Variants in PARVA observed in about 807,000 individuals in gnomAD.
The protein encoded by PARVA is alpha-parvin.
In PARVA, 25 loss-of-function variants were observed where a neutral mutation model predicts 52.6. The ratio of observed to expected loss-of-function variants is 0.48; its 90% CI spans 0.35 to 0.66. PARVA has a LOEUF of 0.66. Among genes scored for constraint, PARVA ranks in the 30% least tolerant of loss-of-function variants. The pLI is 0.01. For synonymous variants in PARVA, 185 were observed against 179.1 expected, an observed-to-expected ratio of 1.03 and a Z score of -0.26; for missense variants, 373 against 450.9, an observed-to-expected ratio of 0.83 and a Z score of 1.56.
chr11:12,521,296 C>A (rs942084727), intron 12 of PARVA, among the ~76,000 whole-genome samples: 1 of 152,172 alleles, frequency 6.6e-6, no homozygotes, highest in African/African-American at 2.4e-5. Context: ...GGAAAATGTT[C>A]AACTCCCCCA....
intron 5 of PARVA, among the ~76,000 whole-genome samples, chr11:12,498,344 G>A (rs927065309): frequency 2.0e-5 from 3 of 151,948 alleles, no homozygotes; most frequent in African/African-American, 7.3e-5. Context: ...CCTAGAACAG[G>A]GTCTTTTAAA....
intron 1 of PARVA, among the ~76,000 whole-genome samples, chr11:12,424,590 C>T (rs1940199907): frequency 6.6e-6 from 1 of 152,184 alleles, no homozygotes; most frequent in Admixed American, 6.5e-5. Flanking sequence ...GCTACCAATA[C>T]TAGTTGTCCA....
intron 1 of PARVA, among the ~76,000 whole-genome samples, chr11:12,471,406 A>G (rs1209850468): frequency 1.3e-5 from 2 of 152,196 alleles, no homozygotes; most frequent in Admixed American, 1.3e-4. Flanking sequence ...TCAGGGGTAC[A>G]TGTTTGTTAC....
At chr11:12,495,141 T>G (rs536341765) in intron 4 of PARVA, among the ~76,000 whole-genome samples, 2 of 152,298 alleles carry the variant, frequency 1.3e-5, no homozygotes, top group South Asian at 4.1e-4. Flanking sequence ...AAGAAGACAT[T>G]TAGATTTATT....
chr11:12,456,834 CT>C (rs2135019308), intron 1 of PARVA, among the ~76,000 whole-genome samples: 1 of 152,242 alleles, frequency 6.6e-6, no homozygotes, highest in Non-Finnish European at 1.5e-5. Context: ...GGGGCTGGTT[CT>C]TACTCATCCC....
At chr11:12,449,780 A>T (rs1940599179) in intron 1 of PARVA, among the ~76,000 whole-genome samples, 1 of 152,204 alleles carries the variant, frequency 6.6e-6, no homozygotes. Context: ...GGATGCTATT[A>T]GACATTCTAC....
intron 1 of PARVA, among the ~76,000 whole-genome samples, chr11:12,459,523 C>G (rs560199471): frequency 5.3e-5 from 8 of 152,162 alleles, no homozygotes; most frequent in South Asian, 4.1e-4. Flanking sequence ...TGCTGGTCTG[C>G]CTGTGAGCAC....
At chr11:12,477,542 A>G (rs1941031602) in intron 3 of PARVA, among the ~76,000 whole-genome samples, 2 of 152,130 alleles carry the variant, frequency 1.3e-5, no homozygotes, top group African/African-American at 2.4e-5. Context: ...ACTTACAGCT[A>G]CCTGTGCACA....
At chr11:12,388,651 T>A (rs1167820375) in intron 1 of PARVA, among the ~76,000 whole-genome samples, 1 of 152,204 alleles carries the variant, frequency 6.6e-6, no homozygotes, top group Non-Finnish European at 1.5e-5. Flanking sequence ...GCAATTGCTA[T>A]TAGCGTTTTG....
chr11:12,414,111 A>G (rs1377081877), intron 1 of PARVA, among the ~76,000 whole-genome samples: 3 of 152,230 alleles, frequency 2.0e-5, no homozygotes, highest in African/African-American at 7.2e-5. Context: ...TCCCCGTGCC[A>G]GCACAGAACT....
At chr11:12,509,070 G>T (rs1941471059) in intron 7 of PARVA, among the ~76,000 whole-genome samples, 1 of 145,470 alleles carries the variant, frequency 6.9e-6, no homozygotes, top group Non-Finnish European at 1.5e-5. Context: ...TTTTGGTTTG[G>T]GGTGGTTTTT....
Position 12,426,938 on chromosome 11 carries a change from A to G in PARVA, c.137-46807A>G, listed in dbSNP as rs192795822. 3.8e-3 allele frequency among the ~76,000 whole-genome samples: 586 copies of G among 152,342 alleles called. 2 individuals carry two copies. Among genetic ancestry groups the G allele is most frequent in the Non-Finnish European group, 6.2e-3 (422 of 68,028 alleles). On this transcript the variant is annotated intron_variant, in intron 1 of 12. Transcript: ENST00000334956. ...GGGCAGAATGAGGATGGGGCAGAGA[A>G]AGGGAAATATGTGTTGAAATAAATA...
At position 12,411,688 on chromosome 11, in the gene PARVA, A is replaced by G. The variant is rs1939994655; in HGVS notation, c.136+33905A>G. On this transcript the variant is annotated intron_variant, in intron 1 of 12. Transcript: ENST00000334956. Reference sequence around the variant, plus strand: ...TTCTCATGGTTAGACGGAATTGAACACAGAAATGTAAAGTTAGCAGATTAT... The same window carrying G: ...TTCTCATGGTTAGACGGAATTGAACGCAGAAATGTAAAGTTAGCAGATTAT... 2.0e-5 allele frequency among the ~76,000 whole-genome samples: 3 copies of G among 152,216 alleles called. 1 individual carries two copies. The highest frequency in any genetic ancestry group is 2.0e-4 in the Admixed American group (3 of 15,284).
chr11:12,433,283 T>C (rs1183880582), intron 1 of PARVA, among the ~76,000 whole-genome samples: 1 of 152,204 alleles, frequency 6.6e-6, no homozygotes, highest in African/African-American at 2.4e-5. Flanking sequence ...TTATTTGAGT[T>C]TGCAACTTTC....
At chr11:12,496,885 C>T (rs1301036247) in intron 5 of PARVA, among the ~76,000 whole-genome samples, 11 of 152,196 alleles carry the variant, frequency 7.2e-5, no homozygotes, top group African/African-American at 2.6e-4. Context: ...CACTGAGCTA[C>T]TTCTTCTAAG....
At chr11:12,504,770 T>TGTGGGGGG (rs1412267714) in intron 6 of PARVA, among the ~76,000 whole-genome samples, 5 of 72,384 alleles carry the variant, frequency 6.9e-5, no homozygotes, top group African/African-American at 2.6e-4. Flanking sequence ...AGGAAAGGTA[T>TGTGGGGGG]GTGGGTGTGT....
At chr11:12,433,752 T>A (rs1185720366) in intron 1 of PARVA, among the ~76,000 whole-genome samples, 1 of 152,202 alleles carries the variant, frequency 6.6e-6, no homozygotes, top group African/African-American at 2.4e-5. Context: ...CCTCTCTGGG[T>A]TTGGCATCTT....
intron 1 of PARVA, among the ~76,000 whole-genome samples, chr11:12,437,677 A>G (rs1940405351): frequency 6.6e-6 from 1 of 152,212 alleles, no homozygotes. Flanking sequence ...AAAGAGCATC[A>G]AGGCTGTGCT....
chr11:12,411,005 T>C (rs1939985381), intron 1 of PARVA, among the ~76,000 whole-genome samples: 1 of 152,182 alleles, frequency 6.6e-6, no homozygotes, highest in African/African-American at 2.4e-5. Context: ...CCCTAGTTCA[T>C]GAGGCTGTTG....
Sources: gnomAD v4.1 joint callset for allele counts (sites outside exome capture counted in the v4.1 genomes callset) on GRCh38, gnomAD v4.1.1 for gene constraint, MANE v1.5 for transcripts, NCBI Gene and HGNC (gene_info 2026-07-23, HGNC 2026-07-21) for gene names.